Variants in SBF2 observed in about 807,000 individuals in gnomAD.
SBF2 encodes SET binding factor 2.
In SBF2, 112 loss-of-function variants were observed where a neutral mutation model predicts 225.2. That is an observed-to-expected ratio of 0.50 (90% CI 0.43 to 0.58). The LOEUF (loss-of-function observed/expected upper bound fraction) is 0.58, where lower values mean the gene tolerates loss of function less well. Among genes scored for constraint, SBF2 ranks in the 20% least tolerant of loss-of-function variants. The pLI, the probability that SBF2 is intolerant of heterozygous loss-of-function variation, is 0.00. For missense variants in SBF2, 1,996 were observed against 2,206.2 expected (o/e 0.90, Z 1.91); for synonymous variants, 763 against 773.3 (o/e 0.99, Z 0.22).
intron 3 of SBF2, among the ~76,000 whole-genome samples, chr11:10,034,822 C>T (rs928736699): frequency 2.6e-5 from 4 of 152,150 alleles, no homozygotes; most frequent in African/African-American, 7.2e-5. Flanking sequence ...ATAATGGAGC[C>T]TAAGTAGTTG....
intron 2 of SBF2, among the ~76,000 whole-genome samples, chr11:10,133,736 G>C (rs548933808): frequency 8.0e-4 from 122 of 151,810 alleles, no homozygotes; most frequent in African/African-American, 2.6e-3. Context: ...CCTTGGCCAG[G>C]CCAGAAAGGG....
intron 3 of SBF2, among the ~76,000 whole-genome samples, chr11:10,042,241 C>T (rs989278908): frequency 1.3e-5 from 2 of 152,172 alleles, no homozygotes; most frequent in African/African-American, 4.8e-5. Flanking sequence ...GCTTGTCCCT[C>T]ACCCCTAAAA....
At chr11:10,088,077 G>A (rs1322671545) in intron 2 of SBF2, among the ~76,000 whole-genome samples, 1 of 150,394 alleles carries the variant, frequency 6.6e-6, no homozygotes, top group African/African-American at 2.5e-5. Context: ...AGGCTGGAGT[G>A]CAGTGGCGTG....
At chr11:10,062,462 G>A (rs2134760504) in intron 2 of SBF2, among the ~76,000 whole-genome samples, 2 of 152,234 alleles carry the variant, frequency 1.3e-5, no homozygotes, top group Non-Finnish European at 2.9e-5. Context: ...CCAATATCCA[G>A]AATCTATAAG....
chr11:9,840,108 C>G (rs546670150), intron 25 of SBF2, among the ~76,000 whole-genome samples: 31 of 152,222 alleles, frequency 2.0e-4, no homozygotes, highest in Non-Finnish European at 4.3e-4. Context: ...GCGGCAGGCA[C>G]CTGTAATCCC....
At chr11:9,836,754 G>A (rs746274398) in intron 26 of SBF2, among the ~76,000 whole-genome samples, 2 of 152,038 alleles carry the variant, frequency 1.3e-5, no homozygotes, top group East Asian at 1.9e-4. Flanking sequence ...CTTCAATATT[G>A]TTTTAAGTAT....
intron 1 of SBF2, among the ~76,000 whole-genome samples, chr11:10,260,694 T>G (rs1591323736): frequency 1.4e-5 from 2 of 144,694 alleles, no homozygotes; most frequent in South Asian, 2.2e-4. Context: ...CAGAGCGAGA[T>G]TCCATCTCAA....
At chr11:9,976,678 T>C (rs1345360499) in intron 13 of SBF2, among the ~76,000 whole-genome samples, 2 of 152,214 alleles carry the variant, frequency 1.3e-5, no homozygotes, top group Non-Finnish European at 2.9e-5. Context: ...TTTTATACTA[T>C]TGCAGATGCA....
At chr11:9,884,366 G>C (rs1372080352) in intron 17 of SBF2, among the ~76,000 whole-genome samples, 2 of 142,190 alleles carry the variant, frequency 1.4e-5, no homozygotes, top group Non-Finnish European at 3.1e-5. Flanking sequence ...TTTAAAGATG[G>C]GAGTGGTTTT....
chr11:10,211,891 G>A (rs748070614), intron 1 of SBF2, among the ~76,000 whole-genome samples: 2 of 152,212 alleles, frequency 1.3e-5, no homozygotes, highest in Non-Finnish European at 2.9e-5. Context: ...ACCAAGTTCT[G>A]TTTCTAGCAA....
rs150969608 is a variant in SBF2, at chr11:9,802,705, G to T, written c.4443+5295C>A. Among the ~76,000 whole-genome samples the T allele has an allele frequency of 7.2e-5, 11 of 152,290 alleles. No homozygotes were observed. The East Asian group carries it at 2.1e-3, about 29-fold the overall frequency. ...TTCACTTGAAAGGCATTCAAAGAAG[G>T]CATTTTCTAATGCCTAAAACCAGTA... On this transcript the variant is annotated intron_variant, in intron 32 of 39. Transcript: ENST00000256190.
intron 2 of SBF2, among the ~76,000 whole-genome samples, chr11:10,050,142 A>C (rs763428503): frequency 1.3e-5 from 2 of 152,228 alleles, no homozygotes; most frequent in Non-Finnish European, 2.9e-5. Context: ...TAAAAAACAT[A>C]CACTAGAGAA....
chr11:10,003,634 TG>T (rs1316300126), intron 6 of SBF2, among the ~76,000 whole-genome samples: 1 of 152,190 alleles, frequency 6.6e-6, no homozygotes, highest in Admixed American at 6.5e-5. Context: ...CCCAAAGTGC[TG>T]GGATTACAGG....
upstream of SBF2, among the ~76,000 whole-genome samples, chr11:10,297,451 T>G (rs1380686336): frequency 6.6e-6 from 1 of 152,240 alleles, no homozygotes; most frequent in African/African-American, 2.4e-5. Flanking sequence ...TTTAGTGTTA[T>G]ATCTAAAAAA....
chr11:9,909,619 G>A (rs1043070853), intron 16 of SBF2, among the ~76,000 whole-genome samples: 13 of 149,216 alleles, frequency 8.7e-5, no homozygotes, highest in Admixed American at 3.4e-4. Context: ...GCGGTGAGCC[G>A]AGATTGCGCC....
Position 9,832,231 on chromosome 11 carries a change from A to G in SBF2, c.3645T>C (p.Pro1215=). Residue 1215 remains proline (P), a synonymous_variant, in exon 27 of 40, where the codon CCT becomes CCC. Transcript: ENST00000256190. Reference sequence around the variant, plus strand: ...TTATAGAGAGATGCTTACCGGCCTGAGGGGAGTTCTGAGATTTGAAAAGAC... The same window carrying G: ...TTATAGAGAGATGCTTACCGGCCTGGGGGGAGTTCTGAGATTTGAAAAGAC... ...VVGLFKSQNS[P]QAAPTSSLES... The G allele has an allele frequency of 6.3e-7, 1 of 1,581,256 alleles. No individual in the cohort carries two copies. The highest frequency in any genetic ancestry group is 1.4e-5 in the African/African-American group (1 of 73,498).
chr11:10,025,123 A>AT (rs1184396036), intron 6 of SBF2, among the ~76,000 whole-genome samples: 1 of 151,914 alleles, frequency 6.6e-6, no homozygotes, highest in Admixed American at 6.6e-5. Context: ...GTTATTTTTG[A>AT]TTGAGTACAG....
At chr11:10,024,952 A>G (rs1019868781) in intron 6 of SBF2, among the ~76,000 whole-genome samples, 1 of 152,170 alleles carries the variant, frequency 6.6e-6, no homozygotes, top group African/African-American at 2.4e-5. Context: ...TGTCACTCCC[A>G]AATTCTCAGT....
chr11:10,029,860 T>C lies in SBF2; in HGVS notation c.418A>G (p.Ile140Val). ...AGGCTGTCCACATACACGGTATAGATCAAACCCAGGCAAGCCTGCAAAAAG... is the reference window on the plus strand; with the variant it reads ...AGGCTGTCCACATACACGGTATAGACCAAACCCAGGCAAGCCTGCAAAAAG... ...PEIFRACLGL[I>V]YTVYVDSLNV... Residue 140 changes from isoleucine (I) to valine (V), a missense_variant, in exon 5 of 40, where the codon ATC becomes GTC. Ile to Val is a conservative substitution (Grantham distance 29). Transcript: ENST00000256190. 1 of 1,612,746 alleles carries C rather than the reference T, an allele frequency of 6.2e-7. No individual in the cohort carries two copies.
Sources: gnomAD v4.1 joint callset for allele counts (sites outside exome capture counted in the v4.1 genomes callset) on GRCh38, gnomAD v4.1.1 for gene constraint, MANE v1.5 for transcripts, NCBI Gene and HGNC (gene_info 2026-07-23, HGNC 2026-07-21) for gene names.